The following ETV6 variants were observed in gnomAD, a reference collection of about 807,000 sequenced individuals.
ETV6 encodes ETS variant transcription factor 6, also known as transcription factor ETV6.
In ETV6, 16 loss-of-function variants were observed where a neutral mutation model predicts 51.1. That is an observed-to-expected ratio of 0.31 (90% confidence interval 0.21 to 0.48). The LOEUF is 0.48. ETV6 is among the 20% of genes least tolerant of loss of function. The pLI is 0.99. For synonymous variants in ETV6, 240 were observed against 224.1 expected, an observed-to-expected ratio of 1.07 and a Z score of -0.64; for missense variants, 458 against 594.8, an observed-to-expected ratio of 0.77 and a Z score of 2.39.
chr12:11,894,416 C>CT lies in ETV6; in HGVS notation c.*3371dup, dbSNP rs3832798. ...GGCTATGTTGAAGGTAACATGAACT[C>CT]TAAGATCTTGACCCAGGGCGACTTG... On this transcript the variant is annotated 3_prime_UTR_variant, in exon 8 of 8. Transcript: ENST00000396373. 66,193 of 232,912 alleles carry CT rather than the reference C, an allele frequency of 0.28. 10,303 individuals carry two copies. The highest frequency in any genetic ancestry group is 0.4 in the East Asian group (6,634 of 16,550). 14.4% of individuals were successfully genotyped at this position (232,912 alleles called of 1,614,324 possible). A position where few individuals can be genotyped will look rare whatever the true frequency, so the allele number is the denominator to read the frequency against.
intron 2 of ETV6, among the ~76,000 whole-genome samples, chr12:11,827,042 GATAGA>G (rs749477504): frequency 6.6e-5 from 10 of 151,036 alleles, no homozygotes; most frequent in South Asian, 2.1e-4. Context: ...AAGGGGATGA[GATAGA>G]ATAGAATAGA....
At chr12:11,677,174 G>A (rs1864436053) in intron 1 of ETV6, among the ~76,000 whole-genome samples, 1 of 152,206 alleles carries the variant, frequency 6.6e-6, no homozygotes, top group South Asian at 2.1e-4. Flanking sequence ...ATTCCTGTAA[G>A]ACAGGAAAAA....
At chr12:11,728,151 T>C (rs1865524680) in intron 1 of ETV6, among the ~76,000 whole-genome samples, 1 of 152,194 alleles carries the variant, frequency 6.6e-6, no homozygotes, top group Non-Finnish European at 1.5e-5. Flanking sequence ...AGGCCTGTGC[T>C]TCAGTTCATG....
At chr12:11,858,557 G>T (rs1420935449) in intron 4 of ETV6, among the ~76,000 whole-genome samples, 1 of 152,160 alleles carries the variant, frequency 6.6e-6, no homozygotes, top group Non-Finnish European at 1.5e-5. Flanking sequence ...GACTGGATAT[G>T]CAGTCTGTAG....
chr12:11,848,959 T>A (rs778192632), intron 3 of ETV6, among the ~76,000 whole-genome samples: 15 of 152,262 alleles, frequency 9.9e-5, no homozygotes, highest in Non-Finnish European at 2.2e-4. Context: ...AAAAATCAAA[T>A]GGGTTAAGAA....
intron 4 of ETV6, among the ~76,000 whole-genome samples, chr12:11,854,275 G>A (rs1197073912): frequency 3.9e-5 from 6 of 152,138 alleles, no homozygotes; most frequent in African/African-American, 7.2e-5. Flanking sequence ...GCGGTAATAC[G>A]AGCAGTGGGG....
chr12:11,674,700 T>C (rs1291983042), intron 1 of ETV6, among the ~76,000 whole-genome samples: 1 of 150,502 alleles, frequency 6.6e-6, no homozygotes, highest in Non-Finnish European at 1.5e-5. Context: ...TGTGCGACCC[T>C]GGGTGAGCCA....
intron 1 of ETV6, among the ~76,000 whole-genome samples, chr12:11,734,149 T>C (rs376944568): frequency 2.0e-5 from 3 of 152,168 alleles, no homozygotes; most frequent in African/African-American, 7.2e-5. Flanking sequence ...ATTCTTATTT[T>C]CTCCCTGCTA....
intron 1 of ETV6, among the ~76,000 whole-genome samples, chr12:11,701,041 A>T (rs1864970367): frequency 6.7e-6 from 1 of 150,206 alleles, no homozygotes; most frequent in African/African-American, 2.4e-5. Context: ...ATTCAAAGCC[A>T]CTGTATCACT....
At chr12:11,830,674 C>G (rs1015399243) in intron 2 of ETV6, among the ~76,000 whole-genome samples, 1 of 152,194 alleles carries the variant, frequency 6.6e-6, no homozygotes, top group East Asian at 1.9e-4. Context: ...TTTGGCTGTA[C>G]AGTCTGGCAT....
chr12:11,851,793 G>A (rs138430365), intron 3 of ETV6, among the ~76,000 whole-genome samples: 105 of 152,242 alleles, frequency 6.9e-4, no homozygotes, highest in African/African-American at 2.3e-3. Flanking sequence ...AAAACACAAG[G>A]TTCCCTCAGG....
intron 1 of ETV6, among the ~76,000 whole-genome samples, chr12:11,689,139 CG>C (rs541099582): frequency 5.3e-3 from 10 of 1,896 alleles, no homozygotes; most frequent in Admixed American, 0.045. Context: ...GAAAATGGGG[CG>C]GGGGGGCGGG....
In ETV6 at chr12:11,894,527, A is replaced by C. The variant is rs757047814; in HGVS notation, c.*3481A>C. 2 of 233,096 alleles carry C rather than the reference A, an allele frequency of 8.6e-6. No individual in the cohort carries two copies. Among genetic ancestry groups the C allele is most frequent in the African/African-American group, 2.2e-5 (1 of 45,334 alleles). The allele number at this position is 233,096 out of a possible 1,614,324, so 14.4% of individuals were successfully genotyped here. A position where few individuals can be genotyped will look rare whatever the true frequency, so the allele number is the denominator to read the frequency against. On this transcript the variant is annotated 3_prime_UTR_variant, in exon 8 of 8. Coordinates refer to ENST00000396373, the MANE Select transcript of ETV6 (RefSeq NM_001987.5). Reference sequence around the variant, plus strand: ...ACAGAAAAAGAGGAATAATAGACCAATGGATTTTCTCCTTTCACCAGTATG... The same window carrying C: ...ACAGAAAAAGAGGAATAATAGACCACTGGATTTTCTCCTTTCACCAGTATG...
At chr12:11,659,179 T>G (rs573141111) in intron 1 of ETV6, among the ~76,000 whole-genome samples, 1 of 152,318 alleles carries the variant, frequency 6.6e-6, no homozygotes, top group South Asian at 2.1e-4. Context: ...TTTGTTACTT[T>G]GGGGCATGGG....
At chr12:11,769,100 A>AATTACTACTCTACAACT (rs1469070726) in intron 2 of ETV6, 1 of 375,974 alleles carries the variant, frequency 2.7e-6, no homozygotes, top group African/African-American at 2.1e-5. Context: ...TACTGTGCCC[A>AATTACTACTCTACAACT]GTAGAGTAGT....
chr12:11,881,802 A>G (rs1045646182), intron 5 of ETV6, among the ~76,000 whole-genome samples: 3 of 152,244 alleles, frequency 2.0e-5, no homozygotes, highest in African/African-American at 7.2e-5. Context: ...ACACTTTGCC[A>G]CTTTTTACTG....
chr12:11,870,153 G>A (rs571989723), intron 5 of ETV6, among the ~76,000 whole-genome samples, 184 bp downstream of exon 5: 5 of 152,172 alleles, frequency 3.3e-5, no homozygotes, highest in Non-Finnish European at 2.9e-5. Context: ...TTAATGAGCC[G>A]CTGGGATGGA....
intron 4 of ETV6, among the ~76,000 whole-genome samples, chr12:11,865,459 G>C (rs1400422968): frequency 6.6e-6 from 1 of 151,328 alleles, no homozygotes; most frequent in Non-Finnish European, 1.5e-5. Flanking sequence ...GATGGTTAAC[G>C]TATCTCTTAA....
At chr12:11,774,155 G>A (rs1349363884) in intron 2 of ETV6, among the ~76,000 whole-genome samples, 1 of 152,200 alleles carries the variant, frequency 6.6e-6, no homozygotes, top group African/African-American at 2.4e-5. Context: ...GTGCTTATTT[G>A]TTCATCTTGT....
Sources: allele counts gnomAD v4.1 joint callset (sites outside exome capture counted in the v4.1 genomes callset), GRCh38; gene constraint gnomAD v4.1.1; transcripts MANE v1.5; gene names NCBI Gene and HGNC (gene_info 2026-07-23, HGNC 2026-07-21).